The following ZDHHC14 variants were observed in gnomAD, a reference collection of about 807,000 sequenced individuals.
The protein encoded by ZDHHC14 is palmitoyltransferase ZDHHC14.
Under a neutral mutation model 47.7 loss-of-function variants are expected in ZDHHC14, and 16 were observed. The ratio of observed to expected loss-of-function variants is 0.34; its 90% CI spans 0.23 to 0.51. The LOEUF (loss-of-function observed/expected upper bound fraction) is 0.51. Among genes scored for constraint, ZDHHC14 ranks in the 20% least tolerant of loss-of-function variants. The pLI is 0.97. For missense variants in ZDHHC14, 515 were observed against 662.5 expected (o/e 0.78, Z 2.44); for synonymous variants, 293 against 278.9 (o/e 1.05, Z -0.50).
intron 2 of ZDHHC14, among the ~76,000 whole-genome samples, chr6:157,562,478 T>C (rs1173928244): frequency 6.6e-6 from 1 of 152,186 alleles, no homozygotes; most frequent in Non-Finnish European, 1.5e-5. Flanking sequence ...GGGCTGCTGC[T>C]GGGCTCTCCA....
At chr6:157,475,367 A>G (rs1779457332) in intron 1 of ZDHHC14, among the ~76,000 whole-genome samples, 1 of 152,068 alleles carries the variant, frequency 6.6e-6, no homozygotes, top group African/African-American at 2.4e-5. Flanking sequence ...TTGTGGTTCC[A>G]TATGGATCTT....
At chr6:157,510,345 T>G (rs973773700) in intron 1 of ZDHHC14, among the ~76,000 whole-genome samples, 13 of 152,184 alleles carry the variant, frequency 8.5e-5, no homozygotes, top group African/African-American at 2.4e-4. Context: ...ACTAAATCCC[T>G]GAAAAGAATG....
At chr6:157,466,502 T>C (rs776167351) in intron 1 of ZDHHC14, among the ~76,000 whole-genome samples, 4 of 152,234 alleles carry the variant, frequency 2.6e-5, no homozygotes, top group Non-Finnish European at 1.5e-5. Flanking sequence ...TTGAATTAGT[T>C]GTAAAAACCA....
At chr6:157,520,499 A>G (rs1780875132) in intron 1 of ZDHHC14, among the ~76,000 whole-genome samples, 1 of 152,230 alleles carries the variant, frequency 6.6e-6, no homozygotes, top group Non-Finnish European at 1.5e-5. Context: ...ACAGCCACTG[A>G]ACAATATGTT....
At chr6:157,394,583 C>A (rs1777485312) in intron 1 of ZDHHC14, among the ~76,000 whole-genome samples, 2 of 152,198 alleles carry the variant, frequency 1.3e-5, no homozygotes, top group African/African-American at 4.8e-5. Context: ...AGTAAATGAA[C>A]CTTCACGTGC....
chr6:157,628,003 G>A (rs1785506763), intron 3 of ZDHHC14, among the ~76,000 whole-genome samples: 1 of 152,162 alleles, frequency 6.6e-6, no homozygotes, highest in South Asian at 2.1e-4. Flanking sequence ...CCCTCTTAAG[G>A]GAAGGTTGTT....
At chr6:157,613,741 G>A (rs1215707908) in intron 3 of ZDHHC14, among the ~76,000 whole-genome samples, 3 of 152,146 alleles carry the variant, frequency 2.0e-5, no homozygotes, top group African/African-American at 7.2e-5. Flanking sequence ...GAACTAACCT[G>A]ATAGGTCATC....
chr6:157,563,974 C>G lies in ZDHHC14; in HGVS notation c.406+21229C>G, dbSNP rs547272522. Among the ~76,000 whole-genome samples, 119 of 152,348 alleles carry G rather than the reference C, an allele frequency of 7.8e-4. 2 individuals carry two copies. Among genetic ancestry groups the G allele is most frequent in the African/African-American group, 2.7e-3 (114 of 41,574 alleles). Reference sequence around the variant, plus strand: ...GGGGAACCCCTGTCTGCAGACCAACCCCAAGGGCCAGACAGAAAGCAAAAG... The same window carrying G: ...GGGGAACCCCTGTCTGCAGACCAACGCCAAGGGCCAGACAGAAAGCAAAAG... On this transcript the variant is annotated intron_variant, in intron 2 of 8. Coordinates refer to ENST00000359775, the MANE Select transcript of ZDHHC14 (RefSeq NM_024630.3).
chr6:157,453,811 T>TGTGTGTGTGTGG (rs1415233978), intron 1 of ZDHHC14, among the ~76,000 whole-genome samples: 4 of 151,992 alleles, frequency 2.6e-5, no homozygotes, highest in African/African-American at 9.7e-5. Context: ...TGTGTGTGTG[T>TGTGTGTGTGTGG]GTGTGTTTGA....
At chr6:157,558,268 C>G (rs1782560925) in intron 2 of ZDHHC14, among the ~76,000 whole-genome samples, 1 of 152,150 alleles carries the variant, frequency 6.6e-6, no homozygotes, top group Non-Finnish European at 1.5e-5. Context: ...CCAGAAATGG[C>G]TGATAATTAC....
intron 2 of ZDHHC14, among the ~76,000 whole-genome samples, chr6:157,560,574 G>A (rs183583116): frequency 4.2e-4 from 64 of 152,014 alleles, no homozygotes; most frequent in Non-Finnish European, 7.4e-5. Flanking sequence ...TTTGTGATTG[G>A]ACTGGCAAGT....
chr6:157,653,649 C>A, intron 8 of ZDHHC14, 22 bp downstream of exon 8: 2 of 1,597,310 alleles, frequency 1.3e-6, no homozygotes, highest in South Asian at 2.2e-5. Flanking sequence ...GGCCACTGCT[C>A]CCTGCGAGGG....
At chr6:157,530,826 C>T (rs182363352) in intron 1 of ZDHHC14, among the ~76,000 whole-genome samples, 16 of 152,190 alleles carry the variant, frequency 1.1e-4, no homozygotes, top group Admixed American at 1.0e-3. Flanking sequence ...TCTGTCTGAA[C>T]GACTGGATAT....
chr6:157,496,338 G>T (rs570415968), intron 1 of ZDHHC14, among the ~76,000 whole-genome samples: 6 of 152,114 alleles, frequency 3.9e-5, no homozygotes, highest in African/African-American at 1.4e-4. Context: ...GTTCCATTGA[G>T]GGCTGGTCCC....
chr6:157,495,785 A>G (rs1246762396), intron 1 of ZDHHC14, among the ~76,000 whole-genome samples: 1 of 144,796 alleles, frequency 6.9e-6, no homozygotes, highest in Non-Finnish European at 1.5e-5. Context: ...GCTCACTGCA[A>G]CCTCCGCCTC....
At chr6:157,647,087 T>C (rs1000635016) in intron 6 of ZDHHC14, among the ~76,000 whole-genome samples, 172 bp from the exon 7 acceptor site, 6 of 152,350 alleles carry the variant, frequency 3.9e-5, no homozygotes, top group East Asian at 3.9e-4. Context: ...ACCTGCTGTT[T>C]TAGGACATTT....
rs1056506375 is a variant in ZDHHC14 at position 157,677,047 on chromosome 6, A to G, written c.*3925A>G. The G allele has an allele frequency of 6.6e-6, 1 of 152,208 alleles. No homozygotes were observed. The highest frequency in any genetic ancestry group is 1.5e-5 in the Non-Finnish European group (1 of 68,040). The allele number at this position is 152,208 out of a possible 1,614,324, so 9.4% of individuals were successfully genotyped here. On this transcript the variant is annotated 3_prime_UTR_variant, in exon 9 of 9. Coordinates refer to ENST00000359775, the MANE Select transcript of ZDHHC14 (RefSeq NM_024630.3). ...ACTCTTTTCTAATTGATGCCTTACTACTGTTTTGAAGCTGAGCCGAAATCA... is the reference window on the plus strand; with the variant it reads ...ACTCTTTTCTAATTGATGCCTTACTGCTGTTTTGAAGCTGAGCCGAAATCA...
At chr6:157,471,555 C>A (rs550999059) in intron 1 of ZDHHC14, among the ~76,000 whole-genome samples, 3 of 152,158 alleles carry the variant, frequency 2.0e-5, no homozygotes, top group Non-Finnish European at 2.9e-5. Flanking sequence ...AGAAGGAAGA[C>A]GTTATCACAG....
chr6:157,404,434 C>T (rs1322209186), intron 1 of ZDHHC14, among the ~76,000 whole-genome samples: 2 of 152,108 alleles, frequency 1.3e-5, no homozygotes, highest in African/African-American at 4.8e-5. Context: ...TGTTCCCGGC[C>T]GGAAAATGAC....
Sources: gnomAD v4.1 joint callset for allele counts (sites outside exome capture counted in the v4.1 genomes callset) on GRCh38, gnomAD v4.1.1 for gene constraint, MANE v1.5 for transcripts, NCBI Gene and HGNC (gene_info 2026-07-23, HGNC 2026-07-21) for gene names.